The following NCOR2 variants were observed in gnomAD, a reference collection of about 807,000 sequenced individuals.
NCOR2 encodes nuclear receptor corepressor 2.
NCOR2 carries 81 observed loss-of-function variants against 262.9 expected under a neutral mutation model. That is an observed-to-expected ratio of 0.31 (90% CI 0.26 to 0.37). The LOEUF (loss-of-function observed/expected upper bound fraction) is 0.37. Ranked by LOEUF, NCOR2 falls within the 10% of genes least tolerant of loss-of-function variation. The pLI is 1.00. For synonymous variants in NCOR2, 1,659 were observed against 1,559.3 expected, an observed-to-expected ratio of 1.06 and a Z score of -1.51; for missense variants, 3,385 against 3,621.4, an observed-to-expected ratio of 0.93 and a Z score of 1.68.
intron 7 of NCOR2, among the ~76,000 whole-genome samples, chr12:124,444,066 A>T (rs1272769524): frequency 6.6e-6 from 1 of 151,148 alleles, no homozygotes; most frequent in Non-Finnish European, 1.5e-5. Flanking sequence ...CACCTGGGGG[A>T]CTCCTGGTTT....
At chr12:124,351,771 G>A (rs2037491672) in intron 27 of NCOR2, among the ~76,000 whole-genome samples, 2 of 152,066 alleles carry the variant, frequency 1.3e-5, no homozygotes, top group African/African-American at 2.4e-5. Context: ...GAGACCTTCT[G>A]CATTGATGAT....
chr12:124,490,387 G>C (rs2048013944), intron 1 of NCOR2, among the ~76,000 whole-genome samples: 1 of 151,584 alleles, frequency 6.6e-6, no homozygotes, highest in African/African-American at 2.4e-5. Context: ...ACGGGCCCGA[G>C]ACGCCTGATA....
chr12:124,506,427 G>A (rs2049041500), intron 1 of NCOR2, among the ~76,000 whole-genome samples: 1 of 152,046 alleles, frequency 6.6e-6, no homozygotes, highest in African/African-American at 2.4e-5. Flanking sequence ...AGCCAGCTCG[G>A]CCCTGCTCCC....
intron 11 of NCOR2, among the ~76,000 whole-genome samples, chr12:124,424,311 C>T (rs2043404496): frequency 6.6e-6 from 1 of 152,116 alleles, no homozygotes; most frequent in South Asian, 2.1e-4. Context: ...CACCCGTGAC[C>T]GTCCCACCAT....
intron 4 of NCOR2, 63 bp from the exon 7 acceptor site, chr12:124,466,349 C>A: frequency 1.3e-6 from 2 of 1,503,664 alleles, no homozygotes; most frequent in Non-Finnish European, 1.8e-6. Context: ...GGCTGCAGCC[C>A]CCAGGGCGCG....
chr12:124,466,098 C>G, intron 5 of NCOR2, 75 bp downstream of exon 7: 1 of 1,376,534 alleles, frequency 7.3e-7, no homozygotes, highest in Admixed American at 2.1e-5. Context: ...ACACTGAGGC[C>G]TGATTCATGG....
chr12:124,395,245 C>T (rs1181478176), intron 16 of NCOR2, among the ~76,000 whole-genome samples: 3 of 152,100 alleles, frequency 2.0e-5, no homozygotes, highest in African/African-American at 4.8e-5. Flanking sequence ...GTTTTCTGGG[C>T]GGGGGCTCCA....
At chr12:124,402,180 G>GAAAGC (rs1490080514) in intron 14 of NCOR2, among the ~76,000 whole-genome samples, 1 of 152,196 alleles carries the variant, frequency 6.6e-6, no homozygotes, top group African/African-American at 2.4e-5. Context: ...GTTGGAGAAA[G>GAAAGC]AAAGCGAGGG....
rs768858873 is a variant in NCOR2 at position 124,354,950 on chromosome 12, G to A, written c.3382-11C>T. ...CTGGACCGACATTCCCTGTAGGGGC[G>A]GAGTTGTGGGGTCACAGGGGCACCC... On this transcript the variant is annotated splice_polypyrimidine_tract_variant and intron_variant, in intron 24 of 46. Transcript: ENST00000405201. 1.1e-5 allele frequency: 17 copies of A among 1,610,094 alleles called. No individual in the cohort carries two copies. Among genetic ancestry groups the A allele is most frequent in the Middle Eastern group, 1.7e-4 (1 of 6,044 alleles).
At chr12:124,361,087 A>G (rs2038546663) in intron 22 of NCOR2, among the ~76,000 whole-genome samples, 1 of 143,410 alleles carries the variant, frequency 7.0e-6, no homozygotes, top group Admixed American at 7.3e-5. Context: ...GTGCCACTGC[A>G]CTCCAACCTG....
rs889762596 is a variant in NCOR2 at position 124,376,802 on chromosome 12, G to A, written c.2167+1435C>T. 3.9e-5 allele frequency among the ~76,000 whole-genome samples: 6 copies of A among 152,226 alleles called. No individual in the cohort carries two copies. In the East Asian group the frequency reaches 5.8e-4, roughly 15 times the overall value. ...GCCAGGGCGTTCAAAGGCAGAGAGG[G>A]AGGGACAACAGGAACAACAAGAAGG... On this transcript the variant is annotated intron_variant, in intron 18 of 46. Coordinates refer to ENST00000405201, the Ensembl canonical transcript of NCOR2.
intron 4 of NCOR2, among the ~76,000 whole-genome samples, chr12:124,470,024 G>A (rs758171609): frequency 8.6e-5 from 13 of 151,952 alleles, no homozygotes; most frequent in Non-Finnish European, 1.3e-4. Flanking sequence ...AAATTAGCTC[G>A]GTGTGGTGAT....
At chr12:124,336,029 G>A (rs1165113294) in intron 38 of NCOR2, 2 of 201,242 alleles carry the variant, frequency 9.9e-6, no homozygotes, top group Admixed American at 5.2e-5. Flanking sequence ...CTGGGTCCCC[G>A]GGGCCCCGCC....
chr12:124,378,439 G>T lies in NCOR2; in HGVS notation c.2020-55C>A, dbSNP rs1016822674. 2.0e-6 allele frequency: 3 copies of T among 1,537,540 alleles called. No individual in the cohort carries two copies. Among genetic ancestry groups the T allele is most frequent in the Non-Finnish European group, 2.6e-6 (3 of 1,141,450 alleles). ...CTGGGGCCTGGGCTGTCAGCTCGGG[G>T]ACTCCCCATGCCTGGGGCCTCGCCG... On this transcript the variant is annotated intron_variant, in intron 17 of 46. Transcript: ENST00000405201. The surrounding 1 kb of genome is among the most constrained non-coding windows in gnomAD (Gnocchi z 4.2).
chr12:124,424,430 G>A lies in NCOR2; in HGVS notation c.1329-1875C>T, dbSNP rs146264496. 7.0e-3 allele frequency among the ~76,000 whole-genome samples: 1,065 copies of A among 152,242 alleles called. 19 individuals are homozygous for A. Among genetic ancestry groups the A allele is most frequent in the African/African-American group, 0.023 (958 of 41,542 alleles). On this transcript the variant is annotated intron_variant, in intron 11 of 46. Coordinates refer to ENST00000405201, the Ensembl canonical transcript of NCOR2. ...TGCAGGCACGAGCCATTAAGTAACCGAGTATTCCTGCTCAGGAACCAAGCG... is the reference window on the plus strand; with the variant it reads ...TGCAGGCACGAGCCATTAAGTAACCAAGTATTCCTGCTCAGGAACCAAGCG...
At chr12:124,326,629 A>G (rs2034673741) in intron 45 of NCOR2, among the ~76,000 whole-genome samples, 1 of 152,058 alleles carries the variant, frequency 6.6e-6, no homozygotes, top group Admixed American at 6.5e-5. Flanking sequence ...GCTGTTTGCA[A>G]TAGCCCCCTG....
chr12:124,336,567 C>CA (rs2135787067), intron 38 of NCOR2, 186 bp downstream of exon 40: 1 of 976,318 alleles, frequency 1.0e-6, no homozygotes, highest in South Asian at 4.7e-5. Flanking sequence ...AAACGGGGGC[C>CA]AAAGTAAAAA....
At chr12:124,561,228 GA>G (rs2052059800) in intron 1 of NCOR2, among the ~76,000 whole-genome samples, 1 of 152,224 alleles carries the variant, frequency 6.6e-6, no homozygotes, top group African/African-American at 2.4e-5. Flanking sequence ...AAGGATGTGG[GA>G]AGACGGCTCC....
At chr12:124,456,534 A>C (rs1407067048) in intron 6 of NCOR2, among the ~76,000 whole-genome samples, 1 of 152,114 alleles carries the variant, frequency 6.6e-6, no homozygotes, top group Non-Finnish European at 1.5e-5. Flanking sequence ...TCATCATCAT[A>C]GCTAATGCCC....
Sources: allele counts gnomAD v4.1 joint callset (sites outside exome capture counted in the v4.1 genomes callset), GRCh38; gene constraint gnomAD v4.1.1; non-coding constraint Gnocchi (gnomAD v3.1); transcripts MANE v1.5; gene names NCBI Gene and HGNC (gene_info 2026-07-23, HGNC 2026-07-21).